NDUFA10: variants seen among roughly 807,000 people sequenced by gnomAD.
NDUFA10 encodes NADH:ubiquinone oxidoreductase subunit A10.
NDUFA10 carries 40 observed loss-of-function variants against 47.8 expected under a neutral mutation model. The ratio of observed to expected loss-of-function variants is 0.84; its 90% CI spans 0.65 to 1.09. The LOEUF is 1.09. NDUFA10 is among the 50% of genes least tolerant of loss of function. The probability of loss-of-function intolerance (pLI) is 0.00; values close to 1 mark genes in which losing one functional copy is unlikely to be tolerated. For synonymous variants in NDUFA10, 183 were observed against 172.2 expected (o/e 1.06, Z -0.49); for missense variants, 413 against 451.1 (o/e 0.92, Z 0.76).
chr2:239,895,164 T>C (rs1693368489), intron 5 of NDUFA10: 1 of 407,680 alleles, frequency 2.5e-6, no homozygotes, highest in African/African-American at 2.1e-5. Context: ...ACATCCTCCC[T>C]CTCCAGGATG....
rs192405972 is a variant in NDUFA10, at chr2:239,989,673, C to A, written c.999+401G>T. Among the ~76,000 whole-genome samples the A allele has an allele frequency of 2.6e-5, 4 of 152,372 alleles. No homozygotes were observed. The East Asian group carries it at 7.7e-4, about 29-fold the overall frequency. ...CGCTGTCTGTCCCAAGCTCTGCCTG[C>A]CCTCCCTATGTCCTCCCATATGGCC... On this transcript the variant is annotated intron_variant, in intron 9 of 9. Coordinates refer to ENST00000252711, the MANE Select transcript of NDUFA10 (RefSeq NM_004544.4).
intron 9 of NDUFA10, among the ~76,000 whole-genome samples, chr2:239,975,463 G>T (rs760774646): frequency 6.6e-6 from 1 of 152,218 alleles, no homozygotes; most frequent in African/African-American, 2.4e-5. Flanking sequence ...CAGCATGGCC[G>T]CCCGGCCACA....
intron 4 of NDUFA10, among the ~76,000 whole-genome samples, chr2:239,938,025 C>T (rs909627000): frequency 6.6e-6 from 1 of 152,176 alleles, no homozygotes; most frequent in Non-Finnish European, 1.5e-5. Flanking sequence ...GCTTCTGCGG[C>T]TCTGTTTGGT....
chr2:239,998,007 T>C (rs541386607), intron 8 of NDUFA10, among the ~76,000 whole-genome samples: 19 of 152,310 alleles, frequency 1.2e-4, no homozygotes, highest in Admixed American at 5.9e-4. Flanking sequence ...GCTCAAAATA[T>C]TGGAAGTAGA....
intron 8 of NDUFA10, among the ~76,000 whole-genome samples, chr2:239,994,927 A>G (rs1327067672): frequency 6.6e-6 from 1 of 152,134 alleles, no homozygotes; most frequent in Non-Finnish European, 1.5e-5. Flanking sequence ...CTGAAAATCA[A>G]TGGCCTTTCC....
chr2:239,900,970 G>A (rs1216451966), intron 4 of NDUFA10, among the ~76,000 whole-genome samples: 1 of 152,242 alleles, frequency 6.6e-6, no homozygotes, highest in African/African-American at 2.4e-5. Flanking sequence ...GATCATGGAT[G>A]TAGGTGGTTA....
At chr2:240,025,142 G>A (rs1391328188) in intron 1 of NDUFA10, 85 bp downstream of exon 1, 5 of 1,186,346 alleles carry the variant, frequency 4.2e-6, no homozygotes, top group African/African-American at 1.6e-5. Flanking sequence ...GCCGCCAGAG[G>A]CCGGGGGAGA....
rs182993561 is a variant in NDUFA10 at position 240,009,532 on chromosome 2, T to C, written c.749+2085A>G. On this transcript the variant is annotated intron_variant, in intron 6 of 9. Transcript: ENST00000252711. ...ATGAGAGTTAGCTCATTGTACCTCT[T>C]AAAATCCCACAATACAAATATTTTG... is the stretch of plus-strand genomic sequence containing the variant. Among the ~76,000 whole-genome samples, 549 of 152,346 alleles carry C rather than the reference T, an allele frequency of 3.6e-3. 6 individuals are homozygous for C. The highest frequency in any genetic ancestry group is 4.4e-3 in the Non-Finnish European group (300 of 68,034).
At chr2:239,972,679 AT>A (rs1451658467) in intron 9 of NDUFA10, among the ~76,000 whole-genome samples, 1 of 152,178 alleles carries the variant, frequency 6.6e-6, no homozygotes. Flanking sequence ...TGTGTGTTCT[AT>A]TTTTTAACAC....
chr2:239,985,182 G>A (rs142495865), intron 9 of NDUFA10, among the ~76,000 whole-genome samples: 3 of 152,236 alleles, frequency 2.0e-5, no homozygotes, highest in East Asian at 3.9e-4. Context: ...CAAACCAAAC[G>A]TTAGGGACCA....
At chr2:239,916,192 G>T (rs1693875521) in intron 4 of NDUFA10, among the ~76,000 whole-genome samples, 1 of 142,742 alleles carries the variant, frequency 7.0e-6, no homozygotes, top group Non-Finnish European at 1.5e-5. Context: ...CATACACACA[G>T]AACACACACA....
At chr2:239,894,600 A>G (rs951116866) in intron 5 of NDUFA10, among the ~76,000 whole-genome samples, 2 of 151,946 alleles carry the variant, frequency 1.3e-5, no homozygotes, top group African/African-American at 4.8e-5. Flanking sequence ...CCATTTCAGG[A>G]CTTGGCTCCT....
At chr2:239,965,372 T>A (rs762883353) in intron 9 of NDUFA10, among the ~76,000 whole-genome samples, 20 of 152,174 alleles carry the variant, frequency 1.3e-4, no homozygotes, top group African/African-American at 3.9e-4. Context: ...TTTGTTTACA[T>A]GTCTACTTCA....
intron 1 of NDUFA10, among the ~76,000 whole-genome samples, chr2:240,024,059 T>C (rs1332473945): frequency 6.6e-6 from 1 of 152,268 alleles, no homozygotes; most frequent in Admixed American, 6.5e-5. Context: ...ACAGTCACTC[T>C]GGAAGATGGC....
chr2:239,967,439 C>T (rs1695123040), intron 9 of NDUFA10, among the ~76,000 whole-genome samples: 1 of 152,212 alleles, frequency 6.6e-6, no homozygotes, highest in African/African-American at 2.4e-5. Flanking sequence ...AGCTGAGCGG[C>T]TGTGAGAGGC....
chr2:239,927,538 C>T (rs1475946413), intron 4 of NDUFA10, among the ~76,000 whole-genome samples: 1 of 152,204 alleles, frequency 6.6e-6, no homozygotes, highest in Non-Finnish European at 1.5e-5. Context: ...AGGATGTATC[C>T]CCGTCATTAC....
At position 240,006,946 on chromosome 2, in the gene NDUFA10, C is replaced by T. The variant is rs138881222; in HGVS notation, c.804+370G>A. Among the ~76,000 whole-genome samples the T allele has an allele frequency of 8.6e-4, 131 of 152,346 alleles. 2 individuals carry two copies. The South Asian group carries it at 0.016, about 19-fold the overall frequency. On this transcript the variant is annotated intron_variant, in intron 7 of 9. Transcript: ENST00000252711. ...TATTCATAAAGTTCCCTGAAAACTACACCAAGATTTACTAGACTTTCACAA... is the reference window on the plus strand; with the variant it reads ...TATTCATAAAGTTCCCTGAAAACTATACCAAGATTTACTAGACTTTCACAA...
chr2:240,002,719 C>T (rs1310252839), intron 8 of NDUFA10, among the ~76,000 whole-genome samples: 4 of 152,136 alleles, frequency 2.6e-5, no homozygotes, highest in Non-Finnish European at 5.9e-5. Context: ...GTATCCATTC[C>T]ACTAACTAGA....
At chr2:239,924,123 A>T (rs1694033388) in intron 4 of NDUFA10, among the ~76,000 whole-genome samples, 1 of 152,162 alleles carries the variant, frequency 6.6e-6, no homozygotes, top group African/African-American at 2.4e-5. Context: ...CCAAACATTC[A>T]AAGAGTAATT....
Sources: gnomAD v4.1 joint callset for allele counts (sites outside exome capture counted in the v4.1 genomes callset) on GRCh38, gnomAD v4.1.1 for gene constraint, MANE v1.5 for transcripts, NCBI Gene and HGNC (gene_info 2026-07-23, HGNC 2026-07-21) for gene names.